Variants in CUX1 observed in about 807,000 individuals in gnomAD.
CUX1 encodes the protein cut like homeobox 1.
In CUX1, 31 loss-of-function variants were observed where a neutral mutation model predicts 158.8. That is an observed-to-expected ratio of 0.20 (90% confidence interval 0.15 to 0.26). The LOEUF (loss-of-function observed/expected upper bound fraction) is 0.26, where lower values mean the gene tolerates loss of function less well. CUX1 is among the 10% of genes least tolerant of loss of function. CUX1 has a pLI of 1.00. For missense variants in CUX1, 1,589 were observed against 2,014.6 expected (o/e 0.79, Z 4.04); for synonymous variants, 879 against 862.1 (o/e 1.02, Z -0.34).
intron 4 of CUX1, among the ~76,000 whole-genome samples, chr7:102,076,064 C>T (rs921345834): frequency 1.3e-5 from 2 of 148,860 alleles, no homozygotes; most frequent in Non-Finnish European, 3.0e-5. Flanking sequence ...TCTTCATCTT[C>T]CACCTTCTAT....
rs1801607004 is a variant in CUX1, at chr7:102,252,341, C to T, written c.*3299C>T. On this transcript the variant is annotated 3_prime_UTR_variant, in exon 24 of 24. Coordinates refer to ENST00000292535, the MANE Select transcript of CUX1 (RefSeq NM_181552.4). ...AACAGTGTCCCCTCGGCATGGCTCC[C>T]CTTCAGCAGGCTGGCATTCCAAGCA... 5.1e-6 allele frequency: 5 copies of T among 985,410 alleles called. No homozygotes were observed. The highest frequency in any genetic ancestry group is 1.2e-4 in the Admixed American group (2 of 16,268). 61.0% of individuals were successfully genotyped at this position (985,410 alleles called of 1,614,324 possible).
chr7:101,855,974 G>T (rs1280188743), intron 1 of CUX1, among the ~76,000 whole-genome samples: 1 of 151,780 alleles, frequency 6.6e-6, no homozygotes, highest in Non-Finnish European at 1.5e-5. Flanking sequence ...GAGCCCAGGA[G>T]TTTGTGACTA....
chr7:102,147,674 G>A (rs1469994341), intron 8 of CUX1, among the ~76,000 whole-genome samples: 1 of 152,198 alleles, frequency 6.6e-6, no homozygotes, highest in African/African-American at 2.4e-5. Context: ...CAAGAAGACA[G>A]GGGACCTCAG....
intron 8 of CUX1, among the ~76,000 whole-genome samples, chr7:102,123,236 T>TA (rs200334224): frequency 0.017 from 2,316 of 132,518 alleles, 48 homozygotes; most frequent in African/African-American, 0.058. Context: ...GTCTCAAAAA[T>TA]AAAAAAAAAA....
At chr7:101,924,201 AT>A (rs1221820327) in intron 2 of CUX1, among the ~76,000 whole-genome samples, 1 of 151,656 alleles carries the variant, frequency 6.6e-6, no homozygotes, top group Non-Finnish European at 1.5e-5. Context: ...AACTTTTATG[AT>A]TCGTTTTTCA....
chr7:102,021,614 CTTTTTT>C (rs67147187), intron 2 of CUX1, among the ~76,000 whole-genome samples: 3,472 of 109,306 alleles, frequency 0.032, 67 homozygotes, highest in Admixed American at 0.05. Flanking sequence ...TTTTTTTTCT[CTTTTTT>C]TTTTTTTTTT....
chr7:101,914,340 A>ATTCCTTCCTTC (rs1338296602), intron 1 of CUX1, among the ~76,000 whole-genome samples: 5 of 135,364 alleles, frequency 3.7e-5, no homozygotes, highest in Non-Finnish European at 4.7e-5. Context: ...AGTGTCTACG[A>ATTCCTTCCTTC]TTCCTTCCTT....
At chr7:102,089,903 A>G (rs1554481699) in intron 4 of CUX1, among the ~76,000 whole-genome samples, 1 of 152,196 alleles carries the variant, frequency 6.6e-6, no homozygotes, top group Non-Finnish European at 1.5e-5. Context: ...TCTTCCTGCC[A>G]GGAAGGGTAA....
intron 8 of CUX1, among the ~76,000 whole-genome samples, chr7:102,157,718 T>G (rs1789929182): frequency 6.6e-6 from 1 of 152,078 alleles, no homozygotes; most frequent in Admixed American, 6.5e-5. Flanking sequence ...AGGCGGAGGT[T>G]GCAGTGAGCC....
chr7:102,150,901 C>T (rs1554503393), intron 8 of CUX1, among the ~76,000 whole-genome samples: 1 of 152,200 alleles, frequency 6.6e-6, no homozygotes. Flanking sequence ...GTTTCGTCAG[C>T]TCATAAAAAC....
intron 22 of CUX1, among the ~76,000 whole-genome samples, chr7:102,236,351 C>T (rs978200091): frequency 6.7e-6 from 1 of 149,352 alleles, no homozygotes; most frequent in African/African-American, 2.6e-5. Context: ...TGAGGTAGGC[C>T]ATGCCTCTTG....
intron 2 of CUX1, chr7:101,961,530 G>A (rs899431576): frequency 2.6e-5 from 4 of 152,148 alleles, no homozygotes; most frequent in Non-Finnish European, 4.4e-5. Flanking sequence ...GAACAAAGCA[G>A]TATATTTTAA....
chr7:101,901,481 G>T (rs1344795644), intron 1 of CUX1, among the ~76,000 whole-genome samples: 2 of 151,986 alleles, frequency 1.3e-5, no homozygotes, highest in Non-Finnish European at 2.9e-5. Context: ...TTTTAATAGA[G>T]ACAGGGTTTT....
chr7:102,199,787 A>C (rs1018009657), intron 16 of CUX1, among the ~76,000 whole-genome samples: 9 of 152,166 alleles, frequency 5.9e-5, no homozygotes, highest in Admixed American at 2.6e-4. Flanking sequence ...CGCCTTTTAT[A>C]TATATGGATT....
intron 2 of CUX1, among the ~76,000 whole-genome samples, chr7:101,950,448 A>G (rs1808929495): frequency 6.6e-6 from 1 of 152,208 alleles, no homozygotes; most frequent in Non-Finnish European, 1.5e-5. Context: ...TACACATAAC[A>G]TAAAATTTAC....
At chr7:101,870,902 C>G (rs1798451718) in intron 1 of CUX1, among the ~76,000 whole-genome samples, 1 of 152,216 alleles carries the variant, frequency 6.6e-6, no homozygotes, top group Non-Finnish European at 1.5e-5. Context: ...AGTAAGGCGC[C>G]TCGCCTAGTT....
In CUX1 at chr7:102,196,820, T is replaced by A. The variant is rs951855830; in HGVS notation, c.1409T>A (p.Leu470Gln). The A allele has an allele frequency of 1.2e-6, 2 of 1,614,190 alleles. No homozygotes were observed. The highest frequency in any genetic ancestry group is 1.7e-6 in the Non-Finnish European group (2 of 1,180,034). The change falls in exon 15 of 24, where the codon CTA (leucine) becomes CAA (glutamine). Residue 470 changes from leucine (L) to glutamine (Q), a missense_variant. Coordinates refer to ENST00000292535, the MANE Select transcript of CUX1 (RefSeq NM_181552.4). Reference sequence around the variant, plus strand: ...AGCTCATCCCTGGCAAGCCCCAGCCTACCCCTGGCTTCTACAGGAAAATTT... The same window carrying A: ...AGCTCATCCCTGGCAAGCCCCAGCCAACCCCTGGCTTCTACAGGAAAATTT... Reference protein sequence around the residue: ...FFSSSLASPSLPLASTGKFAL... With the variant: ...FFSSSLASPSQPLASTGKFAL...
At chr7:101,929,214 T>A (rs148163060) in intron 2 of CUX1, among the ~76,000 whole-genome samples, 26 of 152,200 alleles carry the variant, frequency 1.7e-4, no homozygotes, top group East Asian at 1.4e-3. Flanking sequence ...AAACGAACAC[T>A]TAAAAAAATT....
At chr7:101,938,302 G>A (rs943383199) in intron 2 of CUX1, among the ~76,000 whole-genome samples, 13 of 151,956 alleles carry the variant, frequency 8.6e-5, no homozygotes, top group Admixed American at 3.3e-4. Context: ...ACAGGGTCTC[G>A]CTATGTTGCC....
Sources: allele counts gnomAD v4.1 joint callset (sites outside exome capture counted in the v4.1 genomes callset), GRCh38; gene constraint gnomAD v4.1.1; transcripts MANE v1.5; gene names NCBI Gene and HGNC (gene_info 2026-07-23, HGNC 2026-07-21).